The following KPNA4 variants were observed in gnomAD, a reference collection of about 807,000 sequenced individuals.
The protein encoded by KPNA4 is importin subunit alpha-3.
Under a neutral mutation model 71.3 loss-of-function variants are expected in KPNA4, and 13 were observed. That is an observed-to-expected ratio of 0.18 (90% confidence interval 0.12 to 0.29). The LOEUF is 0.29. Ranked by LOEUF, KPNA4 falls within the 10% of genes least tolerant of loss-of-function variation. KPNA4 has a pLI of 1.00. For synonymous variants in KPNA4, 189 were observed against 195.2 expected (o/e 0.97, Z 0.26); for missense variants, 334 against 603.2 (o/e 0.55, Z 4.67).
At chr3:160,564,020 T>A (rs1722292854) in intron 1 of KPNA4, among the ~76,000 whole-genome samples, 1 of 152,106 alleles carries the variant, frequency 6.6e-6, no homozygotes, top group Admixed American at 6.5e-5. Flanking sequence ...CCATGGGAAG[T>A]TGAAGATTTC....
rs141259765 is a variant in KPNA4 at position 160,496,216 on chromosome 3, A to T, written c.*5888T>A. On this transcript the variant is annotated 3_prime_UTR_variant, in exon 17 of 17. Transcript: ENST00000334256. Reference sequence around the variant, plus strand: ...GGCAGGAGAATCGCTTGAACCTAGGAGGTGGAGGTTGCAGTGAGCCAAGAT... The same window carrying T: ...GGCAGGAGAATCGCTTGAACCTAGGTGGTGGAGGTTGCAGTGAGCCAAGAT... The T allele has an allele frequency of 0.036, 5,554 of 152,636 alleles. 353 individuals are homozygous for T. The highest frequency in any genetic ancestry group is 0.13 in the African/African-American group (5,312 of 41,516). The allele number at this position is 152,636 out of a possible 1,614,324, so 9.5% of individuals were successfully genotyped here.
At chr3:160,534,671 T>G in intron 5 of KPNA4, among the ~76,000 whole-genome samples, 1 of 130,848 alleles carries the variant, frequency 7.6e-6, no homozygotes, top group East Asian at 2.2e-4. Flanking sequence ...GAGCTGAGAT[T>G]GCGCCACTGG....
chr3:160,508,673 C>T (rs932932456), intron 14 of KPNA4, among the ~76,000 whole-genome samples: 8 of 151,652 alleles, frequency 5.3e-5, no homozygotes, highest in East Asian at 1.9e-4. Flanking sequence ...CACTATGTTG[C>T]GCAGGATTTA....
At chr3:160,544,802 GT>G (rs149458727) in intron 1 of KPNA4, among the ~76,000 whole-genome samples, 8,011 of 150,050 alleles carry the variant, frequency 0.053, 261 homozygotes, top group Middle Eastern at 0.082. Flanking sequence ...GAGAAAAATA[GT>G]TTTTTTTTTC....
At chr3:160,553,147 C>T (rs1012887250) in intron 1 of KPNA4, among the ~76,000 whole-genome samples, 1 of 152,114 alleles carries the variant, frequency 6.6e-6, no homozygotes. Flanking sequence ...CGGAGGTGGA[C>T]ATTAACTAAC....
intron 1 of KPNA4, among the ~76,000 whole-genome samples, chr3:160,552,424 T>C (rs1254779452): frequency 1.3e-5 from 2 of 150,480 alleles, no homozygotes; most frequent in Non-Finnish European, 3.0e-5. Context: ...CCTGTTTTCT[T>C]AAAAAAAAAA....
chr3:160,561,585 TAG>T (rs1472627969), intron 1 of KPNA4, among the ~76,000 whole-genome samples: 3 of 152,078 alleles, frequency 2.0e-5, no homozygotes, highest in African/African-American at 7.2e-5. Context: ...GTCAGAATGG[TAG>T]AGAGAGGTAG....
At chr3:160,503,697 G>T (rs1435122120) in intron 16 of KPNA4, among the ~76,000 whole-genome samples, 1 of 152,178 alleles carries the variant, frequency 6.6e-6, no homozygotes, top group Non-Finnish European at 1.5e-5. Context: ...TGAGGTATTA[G>T]AAATTATGAG....
chr3:160,512,940 AG>A (rs563622650), intron 13 of KPNA4, among the ~76,000 whole-genome samples: 151 of 152,348 alleles, frequency 9.9e-4, no homozygotes, highest in Non-Finnish European at 1.7e-3. Context: ...TAGTAAAACA[AG>A]GGATCCTAAC....
At chr3:160,503,839 T>C (rs989254426) in intron 16 of KPNA4, among the ~76,000 whole-genome samples, 1 of 152,210 alleles carries the variant, frequency 6.6e-6, no homozygotes, top group Non-Finnish European at 1.5e-5. Flanking sequence ...TCCCAGCACT[T>C]TGGGAGGCCA....
At chr3:160,534,615 G>A (rs1232918262) in intron 5 of KPNA4, among the ~76,000 whole-genome samples, 2 of 148,436 alleles carry the variant, frequency 1.3e-5, no homozygotes, top group African/African-American at 4.9e-5. Context: ...CTACTTGGGA[G>A]GCTGAGGCAG....
At chr3:160,537,431 AT>A (rs1170592848) in intron 1 of KPNA4, among the ~76,000 whole-genome samples, 1 of 151,414 alleles carries the variant, frequency 6.6e-6, no homozygotes, top group Non-Finnish European at 1.5e-5. Flanking sequence ...TGGTCACCCA[AT>A]TTTCTATGGC....
intron 5 of KPNA4, among the ~76,000 whole-genome samples, chr3:160,532,222 A>G (rs546169430): frequency 1.3e-5 from 2 of 152,378 alleles, no homozygotes; most frequent in Non-Finnish European, 2.9e-5. Context: ...AGAGAAAAAA[A>G]TGGGCAGATT....
At position 160,530,809 on chromosome 3, in the gene KPNA4, T is replaced by C. The variant is rs749170410; in HGVS notation, c.469+46A>G. 8.9e-6 allele frequency: 12 copies of C among 1,349,634 alleles called. No homozygotes were observed. The South Asian group carries it at 1.0e-4, about 11-fold the overall frequency. 83.6% of individuals were successfully genotyped at this position (1,349,634 alleles called of 1,614,324 possible). The stretch of plus-strand genomic sequence containing the variant: ...GGGAAGATCACTATTTTTTACCGAC[T>C]TCTTTTAAAAAAAATCACAATTATG... On this transcript the variant is annotated intron_variant, in intron 7 of 16. Transcript: ENST00000334256.
rs185098198 is a variant in KPNA4, at chr3:160,565,142, C to T, written c.69+72G>A. ...AGGCGGCTCCCGCCCCTAATCCCCA[C>T]ACTCGGGGTCCCGGCGGAGACCGGC... On this transcript the variant is annotated intron_variant, in intron 1 of 16. Coordinates refer to ENST00000334256, the MANE Select transcript of KPNA4 (RefSeq NM_002268.5). 3.5e-3 allele frequency: 4,585 copies of T among 1,322,216 alleles called. 139 individuals are homozygous for T. The Admixed American group carries it at 0.063, about 18-fold the overall frequency. 81.9% of individuals were successfully genotyped at this position (1,322,216 alleles called of 1,614,324 possible). A position where few individuals can be genotyped will look rare whatever the true frequency, so the allele number is the denominator to read the frequency against.
intron 7 of KPNA4, among the ~76,000 whole-genome samples, chr3:160,530,102 T>C (rs1318399720): frequency 8.1e-6 from 1 of 123,162 alleles, no homozygotes; most frequent in Non-Finnish European, 1.6e-5. Context: ...ATCACTGCAC[T>C]CCAGCCTGGG....
chr3:160,522,592 G>C (rs1482538814), intron 10 of KPNA4, among the ~76,000 whole-genome samples: 1 of 152,104 alleles, frequency 6.6e-6, no homozygotes, highest in African/African-American at 2.4e-5. Flanking sequence ...CGAGTAGCTG[G>C]GACTACAGGC....
chr3:160,539,085 C>T (rs978259606), intron 1 of KPNA4, among the ~76,000 whole-genome samples: 3 of 152,252 alleles, frequency 2.0e-5, no homozygotes, highest in African/African-American at 2.4e-5. Flanking sequence ...ATGCTCTTCC[C>T]CTACTACCTG....
intron 5 of KPNA4, among the ~76,000 whole-genome samples, chr3:160,532,087 T>C (rs73023874): frequency 0.033 from 4,961 of 152,334 alleles, 266 homozygotes; most frequent in African/African-American, 0.11. Flanking sequence ...CCACGGAGCC[T>C]GGCCACTTTA....
Sources: allele counts gnomAD v4.1 joint callset (sites outside exome capture counted in the v4.1 genomes callset), GRCh38; gene constraint gnomAD v4.1.1; transcripts MANE v1.5; gene names NCBI Gene and HGNC (gene_info 2026-07-23, HGNC 2026-07-21).